FANCB: variants seen among roughly 807,000 people sequenced by gnomAD.
FANCB encodes Fanconi anemia group B protein.
FANCB carries 5 observed loss-of-function variants against 38.9 expected under a neutral mutation model. That is an observed-to-expected ratio of 0.13 (90% CI 0.07 to 0.27). FANCB has a LOEUF of 0.27. Among genes scored for constraint, FANCB ranks in the 10% least tolerant of loss-of-function variants. The probability of loss-of-function intolerance (pLI) is 1.00; values close to 1 mark genes in which losing one functional copy is unlikely to be tolerated. For synonymous variants in FANCB, 236 were observed against 215.4 expected, an observed-to-expected ratio of 1.10 and a Z score of -0.84; for missense variants, 573 against 602.7, an observed-to-expected ratio of 0.95 and a Z score of 0.52.
At chrX:14,740,173 T>C in the FANCB span, among the ~76,000 whole-genome samples, 3 of 112,073 alleles carry the variant, frequency 2.7e-5, no homozygotes, top group Non-Finnish European at 5.6e-5. Flanking sequence ...AATCATTTCT[T>C]ATACTATTTC....
Position 14,857,869 on chromosome X carries a change from C to T in FANCB, c.1190G>A (p.Gly397Glu). The T allele has an allele frequency of 8.5e-7, 1 of 1,170,164 alleles. No homozygotes were observed. The highest frequency in any genetic ancestry group is 1.2e-6 in the Non-Finnish European group (1 of 858,166). ...AAGCAAACAGACACTAACTTTCAGT[C>T]CTGTTTCTAGAGGTGGAACCACCAG... is the stretch of plus-strand genomic sequence containing the variant. ...RYLVVPPLET[G>E]LKVCFSSFRE... Residue 397 changes from glycine (G) to glutamate (E), a missense_variant, in exon 5 of 10, where the codon GGA becomes GAA. By Grantham distance (98) the Gly-to-Glu change is moderately conservative. Coordinates refer to ENST00000650831, the MANE Select transcript of FANCB (RefSeq NM_001018113.3).
At chrX:14,758,776 G>T in the FANCB span, among the ~76,000 whole-genome samples, 1 of 111,790 alleles carries the variant, frequency 8.9e-6, no homozygotes, top group African/African-American at 3.3e-5. Flanking sequence ...CAAATGAGAA[G>T]GAAGCAGAGA....
chrX:14,849,603 C>T (rs755390589), intron 7 of FANCB, among the ~76,000 whole-genome samples: 1 of 112,081 alleles, frequency 8.9e-6, no homozygotes, highest in Admixed American at 9.5e-5. Context: ...TTTCAACATC[C>T]CAAAAGAGAA....
downstream of FANCB, among the ~76,000 whole-genome samples, chrX:14,841,046 A>C (rs2092353689): frequency 8.9e-6 from 1 of 112,472 alleles, no homozygotes; most frequent in African/African-American, 3.2e-5. Flanking sequence ...GGACAGGGCT[A>C]TTTTGTTGAG....
the FANCB span, among the ~76,000 whole-genome samples, chrX:14,812,644 A>T: frequency 9.2e-6 from 1 of 108,186 alleles, no homozygotes; most frequent in Non-Finnish European, 1.9e-5. Context: ...ATAGACCAAT[A>T]ACAGGCTCTG....
At chrX:14,702,470 G>A in the FANCB span, among the ~76,000 whole-genome samples, 2 of 111,980 alleles carry the variant, frequency 1.8e-5, no homozygotes, top group Admixed American at 1.9e-4. Context: ...TTGTAATTTT[G>A]CTAGAACTAG....
chrX:14,830,889 T>G, the FANCB span, among the ~76,000 whole-genome samples: 9 of 112,853 alleles, frequency 8.0e-5, no homozygotes, highest in South Asian at 2.2e-3. Context: ...ATGTATTCAC[T>G]TTAAATTATC....
At chrX:14,835,795 G>A (rs1275722682), downstream of FANCB, among the ~76,000 whole-genome samples, 1 of 112,227 alleles carries the variant, frequency 8.9e-6, no homozygotes, top group Non-Finnish European at 1.9e-5. Flanking sequence ...AGGATGCAGA[G>A]AAATTGGAAT....
At chrX:14,857,728 G>T (rs2092428838) in intron 5 of FANCB, 134 bp downstream of exon 5, 5 of 523,235 alleles carry the variant, frequency 9.6e-6, no homozygotes, top group Non-Finnish European at 1.7e-5. Flanking sequence ...GTGCCAAAAA[G>T]ATAAAGATCC....
chrX:14,825,474 G>C, the FANCB span, among the ~76,000 whole-genome samples: 1 of 111,338 alleles, frequency 9.0e-6, no homozygotes, highest in Non-Finnish European at 1.9e-5. Flanking sequence ...GCCCTCTCCA[G>C]CTAAACTCAT....
At chrX:14,823,208 G>T in the FANCB span, among the ~76,000 whole-genome samples, 548 of 103,618 alleles carry the variant, frequency 5.3e-3, 6 homozygotes, top group African/African-American at 0.018. Context: ...TCAGCCTCCC[G>T]AGTAGCTGGG....
At chrX:14,814,282 A>G in the FANCB span, among the ~76,000 whole-genome samples, 1 of 112,099 alleles carries the variant, frequency 8.9e-6, no homozygotes, top group African/African-American at 3.2e-5. Context: ...CTTCATGACT[A>G]AAACACCAAA....
At chrX:14,803,687 C>T in the FANCB span, among the ~76,000 whole-genome samples, 1 of 111,478 alleles carries the variant, frequency 9.0e-6, no homozygotes, top group South Asian at 3.7e-4. Context: ...GAAACTCCTG[C>T]CAACTTTTTT....
the FANCB span, among the ~76,000 whole-genome samples, chrX:14,695,652 C>CT: frequency 1.8e-5 from 2 of 111,868 alleles, no homozygotes; most frequent in Non-Finnish European, 3.8e-5. Flanking sequence ...TTCCCAGAGT[C>CT]TGTGTGCTTC....
At chrX:14,827,754 T>C in the FANCB span, among the ~76,000 whole-genome samples, 2 of 112,231 alleles carry the variant, frequency 1.8e-5, no homozygotes, top group Admixed American at 1.9e-4. Flanking sequence ...TAAAAACCTG[T>C]GAGTACTCCT....
chrX:14,765,161 G>A, the FANCB span, among the ~76,000 whole-genome samples: 1 of 109,318 alleles, frequency 9.1e-6, no homozygotes, highest in East Asian at 2.9e-4. Flanking sequence ...GTAACCCTAC[G>A]TGCCAGGGGC....
At chrX:14,721,309 AAGAAT>A in the FANCB span, among the ~76,000 whole-genome samples, 1 of 91,245 alleles carries the variant, frequency 1.1e-5, no homozygotes, top group African/African-American at 4.3e-5. Flanking sequence ...AAATTGCTAA[AAGAAT>A]AGATTTTAAG....
chrX:14,842,791 T>A (rs993038240), downstream of FANCB, among the ~76,000 whole-genome samples: 3 of 112,199 alleles, frequency 2.7e-5, no homozygotes, highest in African/African-American at 9.7e-5. Flanking sequence ...CTTTAAACAG[T>A]GGCCTGTAAG....
chrX:14,689,628 G>T, the FANCB span, among the ~76,000 whole-genome samples: 1 of 111,924 alleles, frequency 8.9e-6, no homozygotes, highest in Non-Finnish European at 1.9e-5. Flanking sequence ...GGGATGAGTT[G>T]TTGTAAGGGT....
Sources: allele counts gnomAD v4.1 joint callset (sites outside exome capture counted in the v4.1 genomes callset), GRCh38; gene constraint gnomAD v4.1.1; transcripts MANE v1.5; gene names NCBI Gene and HGNC (gene_info 2026-07-23, HGNC 2026-07-21).